CDH13: variants seen among roughly 807,000 people sequenced by gnomAD.
CDH13 encodes cadherin-13.
A neutral mutation model predicts 63.8 loss-of-function variants in CDH13; 24 were observed. The ratio of observed to expected loss-of-function variants is 0.38; its 90% CI spans 0.27 to 0.53. CDH13 has a LOEUF of 0.53. CDH13 is among the 20% of genes least tolerant of loss of function. The probability of loss-of-function intolerance (pLI) is 0.85; values close to 1 mark genes in which losing one functional copy is unlikely to be tolerated. For synonymous variants in CDH13, 503 were observed against 355.3 expected (o/e 1.42, Z -4.67); for missense variants, 1,049 against 903.1 (o/e 1.16, Z -2.07).
chr16:83,184,947 C>A (rs184400676), intron 4 of CDH13, among the ~76,000 whole-genome samples: 1 of 150,956 alleles, frequency 6.6e-6, no homozygotes, highest in African/African-American at 2.4e-5. Flanking sequence ...TTTTCTATTT[C>A]TCTTTGATTT....
intron 5 of CDH13, among the ~76,000 whole-genome samples, chr16:83,248,129 C>A (rs538055252): frequency 6.6e-6 from 1 of 152,068 alleles, no homozygotes; most frequent in African/African-American, 2.4e-5. Context: ...GTGAACACCA[C>A]GGGAACCTGC....
intron 7 of CDH13, among the ~76,000 whole-genome samples, chr16:83,515,492 G>T (rs2074679700): frequency 6.6e-6 from 1 of 152,224 alleles, no homozygotes; most frequent in Non-Finnish European, 1.5e-5. Flanking sequence ...GTAATCAGGA[G>T]AGAAACTTTA....
intron 6 of CDH13, among the ~76,000 whole-genome samples, chr16:83,412,258 T>C (rs954332278): frequency 1.3e-5 from 2 of 152,294 alleles, no homozygotes; most frequent in South Asian, 4.1e-4. Context: ...GGTCAGGAGT[T>C]CGAGACCAGC....
At chr16:82,713,684 C>A (rs763391880) in intron 1 of CDH13, among the ~76,000 whole-genome samples, 2 of 151,934 alleles carry the variant, frequency 1.3e-5, no homozygotes, top group Non-Finnish European at 2.9e-5. Flanking sequence ...CAAATGCATA[C>A]CAGAAAAACA....
chr16:83,352,411 T>C (rs1194665689), intron 6 of CDH13, among the ~76,000 whole-genome samples: 4 of 152,084 alleles, frequency 2.6e-5, no homozygotes, highest in Non-Finnish European at 4.4e-5. Flanking sequence ...GGATGGATAG[T>C]TCTCAAAAAA....
intron 4 of CDH13, among the ~76,000 whole-genome samples, chr16:83,203,732 G>T (rs2039101067): frequency 6.6e-6 from 1 of 151,106 alleles, no homozygotes; most frequent in South Asian, 2.1e-4. Flanking sequence ...AAAAAAATTT[G>T]GTTTAACCTT....
chr16:83,790,140 C>T (rs1388701248), intron 13 of CDH13: 1 of 152,308 alleles, frequency 6.6e-6, no homozygotes. Flanking sequence ...GATGAGAAAA[C>T]TGATCCTCAG....
chr16:83,476,498 C>T (rs550015341), intron 6 of CDH13, among the ~76,000 whole-genome samples: 41 of 152,296 alleles, frequency 2.7e-4, no homozygotes, highest in Admixed American at 1.0e-3. Context: ...CATGGTAAAA[C>T]CATATCTCTA....
chr16:83,456,079 C>G (rs149052196), intron 6 of CDH13, among the ~76,000 whole-genome samples: 43 of 152,360 alleles, frequency 2.8e-4, no homozygotes, highest in African/African-American at 9.1e-4. Flanking sequence ...CCAGCCCTGG[C>G]TTGCTTAGAG....
chr16:83,236,469 A>C (rs568664628), intron 5 of CDH13, among the ~76,000 whole-genome samples: 3 of 152,146 alleles, frequency 2.0e-5, no homozygotes, highest in Non-Finnish European at 4.4e-5. Context: ...TATAGAAGTT[A>C]CTCTTTGAAT....
Position 83,216,407 on chromosome 16 carries a change from T to TAA in CDH13, c.484-937_484-936insAA, listed in dbSNP as rs2039516137. Among the ~76,000 whole-genome samples the TAA allele has an allele frequency of 6.1e-5, 4 of 65,360 alleles. 1 individual carries two copies. Among genetic ancestry groups the TAA allele is most frequent in the Admixed American group, 5.4e-4 (3 of 5,534 alleles). 42.9% of individuals were successfully genotyped at this position (65,360 alleles called of 152,430 possible). ...TGCCTCCAGCATTGAAATATATATA[T>TAA]ATATATATATATATATATATATATA... On this transcript the variant is annotated intron_variant, in intron 4 of 13. Coordinates refer to ENST00000567109, the MANE Select transcript of CDH13 (RefSeq NM_001257.5).
chr16:82,957,683 G>T (rs993003019), intron 2 of CDH13, among the ~76,000 whole-genome samples: 2 of 152,114 alleles, frequency 1.3e-5, no homozygotes, highest in African/African-American at 4.8e-5. Flanking sequence ...TTATTATTGT[G>T]ATATTTACAA....
At chr16:83,184,202 ATTTTGTAGTAAATT>A (rs2038441584) in intron 4 of CDH13, among the ~76,000 whole-genome samples, 1 of 151,522 alleles carries the variant, frequency 6.6e-6, no homozygotes, top group African/African-American at 2.4e-5. Flanking sequence ...GCTTGAATAT[ATTTTGTAGTAAATT>A]TCCCCATCTA....
intron 6 of CDH13, among the ~76,000 whole-genome samples, chr16:83,436,622 C>A (rs567631870): frequency 1.3e-5 from 2 of 152,246 alleles, no homozygotes; most frequent in South Asian, 4.1e-4. Flanking sequence ...AAGTTTGCTT[C>A]CTCTTTGAAA....
chr16:83,214,012 TA>T (rs770718864), intron 4 of CDH13, among the ~76,000 whole-genome samples: 16 of 151,858 alleles, frequency 1.1e-4, no homozygotes, highest in Non-Finnish European at 2.1e-4. Flanking sequence ...CTCTGTAAAA[TA>T]GACCAATCAG....
Position 83,607,216 on chromosome 16 carries a change from G to A in CDH13, c.1101+4622G>A, listed in dbSNP as rs943934577. On this transcript the variant is annotated intron_variant, in intron 8 of 13. Coordinates refer to ENST00000567109, the MANE Select transcript of CDH13 (RefSeq NM_001257.5). ...GTGGATCCCCTGAGGTCAGGAGTTC[G>A]AGACCAACCTGACCAATATGGTGAA... 5.9e-5 allele frequency among the ~76,000 whole-genome samples: 9 copies of A among 152,034 alleles called. No homozygotes were observed. In the East Asian group the frequency reaches 9.7e-4, roughly 16 times the overall value.
intron 2 of CDH13, among the ~76,000 whole-genome samples, chr16:82,863,289 A>G (rs16958785): frequency 0.039 from 5,869 of 152,280 alleles, 159 homozygotes; most frequent in Middle Eastern, 0.14. Context: ...TTTCCTTAGT[A>G]GAGAAATATT....
intron 7 of CDH13, among the ~76,000 whole-genome samples, chr16:83,548,654 G>T (rs752196681): frequency 2.4e-4 from 37 of 152,114 alleles, no homozygotes; most frequent in Admixed American, 5.9e-4. Context: ...GGTTCCTGAG[G>T]CATTTGGAGA....
intron 7 of CDH13, among the ~76,000 whole-genome samples, chr16:83,551,348 T>C (rs894657732): frequency 1.4e-5 from 2 of 142,214 alleles, no homozygotes; most frequent in African/African-American, 5.2e-5. Flanking sequence ...ATTACAGGCA[T>C]GAGTCACCGC....
Sources: allele counts gnomAD v4.1 joint callset (sites outside exome capture counted in the v4.1 genomes callset), GRCh38; gene constraint gnomAD v4.1.1; transcripts MANE v1.5; gene names NCBI Gene and HGNC (gene_info 2026-07-23, HGNC 2026-07-21).